COL4A1: variants seen among roughly 807,000 people sequenced by gnomAD.
The protein encoded by COL4A1 is collagen type IV alpha 1 chain.
A neutral mutation model predicts 216.6 loss-of-function variants in COL4A1; 40 were observed. That is an observed-to-expected ratio of 0.18 (90% confidence interval 0.14 to 0.24). The LOEUF is 0.24. Among genes scored for constraint, COL4A1 ranks in the 10% least tolerant of loss-of-function variants. COL4A1 has a pLI of 1.00. For synonymous variants in COL4A1, 839 were observed against 810.7 expected, an observed-to-expected ratio of 1.03 and a Z score of -0.59; for missense variants, 1,628 against 2,196.8, an observed-to-expected ratio of 0.74 and a Z score of 5.18.
chr13:110,159,934 G>GT (rs1876990709), intron 49 of COL4A1, among the ~76,000 whole-genome samples: 1 of 151,046 alleles, frequency 6.6e-6, no homozygotes. Context: ...AGAATGGGGG[G>GT]TCACCAGAGG....
intron 20 of COL4A1, among the ~76,000 whole-genome samples, chr13:110,199,415 C>T (rs1358330694): frequency 2.0e-5 from 3 of 152,280 alleles, no homozygotes; most frequent in Admixed American, 2.0e-4. Context: ...GAGCCTGAGA[C>T]ATCCAGCCTG....
chr13:110,166,210 A>C (rs750947329), intron 45 of COL4A1, 22 bp downstream of exon 45: 2 of 1,468,226 alleles, frequency 1.4e-6, no homozygotes, highest in Non-Finnish European at 1.9e-6. Flanking sequence ...TAAGGTGTCC[A>C]CAGATCAACA....
At chr13:110,178,256 A>C in intron 31 of COL4A1, 25 bp from the exon 32 acceptor site, 1 of 1,613,064 alleles carries the variant, frequency 6.2e-7, no homozygotes, top group Non-Finnish European at 8.5e-7. Context: ...AACACAAATA[A>C]CTTTTAGCAG....
chr13:110,219,703 TATAC>T (rs1408497834), intron 2 of COL4A1, among the ~76,000 whole-genome samples: 1 of 135,342 alleles, frequency 7.4e-6, no homozygotes, highest in Non-Finnish European at 1.6e-5. Flanking sequence ...TATATATGTA[TATAC>T]ATATGTGTAT....
chr13:110,234,068 A>C (rs962816795), intron 2 of COL4A1, among the ~76,000 whole-genome samples: 1 of 152,212 alleles, frequency 6.6e-6, no homozygotes, highest in Non-Finnish European at 1.5e-5. Context: ...CATGACACGC[A>C]TATGTCCCTA....
At chr13:110,239,865 G>C (rs1881479458) in intron 2 of COL4A1, among the ~76,000 whole-genome samples, 1 of 152,144 alleles carries the variant, frequency 6.6e-6, no homozygotes, top group African/African-American at 2.4e-5. Context: ...GTGAAGCTGA[G>C]GCATTTCACA....
intron 3 of COL4A1, 37 bp downstream of exon 3, chr13:110,213,889 T>C: frequency 1.2e-6 from 2 of 1,613,620 alleles, no homozygotes; most frequent in Non-Finnish European, 1.7e-6. Context: ...CGGGCAATCT[T>C]ACATCCACCC....
At chr13:110,159,123 C>T (rs1876941556) in intron 49 of COL4A1, among the ~76,000 whole-genome samples, 1 of 152,132 alleles carries the variant, frequency 6.6e-6, no homozygotes, top group Non-Finnish European at 1.5e-5. Context: ...TTCAGTTTTC[C>T]ATCTTACTTC....
chr13:110,246,128 AT>A (rs1459822100), intron 1 of COL4A1, among the ~76,000 whole-genome samples: 3 of 149,502 alleles, frequency 2.0e-5, no homozygotes, highest in Non-Finnish European at 4.4e-5. Flanking sequence ...CTAGCATTTT[AT>A]GTAAATGGTT....
chr13:110,168,659 G>A (rs912790842), intron 43 of COL4A1, among the ~76,000 whole-genome samples: 1 of 152,220 alleles, frequency 6.6e-6, no homozygotes, highest in African/African-American at 2.4e-5. Flanking sequence ...ATGACTCTAA[G>A]ATATGTCTCT....
rs1274572221 is a variant in COL4A1, at chr13:110,178,984, T to C, written c.2397A>G (p.Pro799=). The part of the protein sequence containing the change: ...LPGSVGSPGV[P]GIGPPGARGP... ...CCCTAGCTCCAGGGGGGCCTATTCC[T>C]GGAACTCCTGGAGACCCCACGGAGC... Residue 799 remains proline (P), a synonymous_variant, in exon 31 of 52, where the codon CCA becomes CCG. Coordinates refer to ENST00000375820, the MANE Select transcript of COL4A1 (RefSeq NM_001845.6). 4.3e-6 allele frequency: 7 copies of C among 1,612,236 alleles called. No homozygotes were observed. In the South Asian group the frequency reaches 7.7e-5, roughly 18 times the overall value.
intron 24 of COL4A1, 61 bp downstream of exon 24, chr13:110,192,151 ACT>A: frequency 1.3e-6 from 2 of 1,541,516 alleles, no homozygotes; most frequent in South Asian, 2.2e-5. Flanking sequence ...AAACGACACA[ACT>A]CTGTCCACGT....
Position 110,208,852 on chromosome 13 carries a change from G to A in COL4A1, c.690C>T (p.Asp230=), listed in dbSNP as rs149688210. 6.9e-4 allele frequency: 1,115 copies of A among 1,614,150 alleles called. 6 individuals are homozygous for A. The highest frequency in any genetic ancestry group is 2.8e-3 in the South Asian group (258 of 91,082). The change falls in exon 12 of 52, where the codon GAC becomes GAT. Residue 230 remains aspartate, a synonymous_variant. Coordinates refer to ENST00000375820, the MANE Select transcript of COL4A1 (RefSeq NM_001845.6). ...CTCCAGAGCAATATGCACTCACCTT[G>A]TCACCTTTTGGTCCTTGAAAACTTA... ...MGLSFQGPKG[D]KGDQGVSGPP...
chr13:110,174,602 A>G, intron 38 of COL4A1, 21 bp downstream of exon 38: 1 of 1,614,170 alleles, frequency 6.2e-7, no homozygotes, highest in Non-Finnish European at 8.5e-7. Context: ...CCCAAGTCCA[A>G]GAGAAGCCCC....
At chr13:110,173,834 G>A in intron 40 of COL4A1, 66 bp downstream of exon 40, 1 of 1,580,076 alleles carries the variant, frequency 6.3e-7, no homozygotes, top group Non-Finnish European at 8.7e-7. Context: ...CTGAACACAG[G>A]CAGTCTGCAG....
intron 41 of COL4A1, among the ~76,000 whole-genome samples, chr13:110,171,903 C>CACCCG (rs1877660249): frequency 6.6e-6 from 1 of 152,196 alleles, no homozygotes; most frequent in South Asian, 2.1e-4. Flanking sequence ...CCAAGGCAGC[C>CACCCG]CACCCGGCAC....
At chr13:110,166,098 C>T in intron 45 of COL4A1, 134 bp downstream of exon 45, 4 of 754,448 alleles carry the variant, frequency 5.3e-6, no homozygotes, top group South Asian at 1.4e-5. Context: ...CAAAGAATTC[C>T]CTATCAATTG....
chr13:110,150,843 T>C (rs566529405), intron 51 of COL4A1, among the ~76,000 whole-genome samples: 3 of 152,366 alleles, frequency 2.0e-5, no homozygotes, highest in East Asian at 3.9e-4. Flanking sequence ...GAAGAAGATA[T>C]TATTCTTCTC....
At position 110,207,564 on chromosome 13, in the gene COL4A1, A is replaced by G; in HGVS notation, c.694-75T>C. ...GACATGAAAAATTGCAGAGAGAGGT[A>G]AAAGCCTAAAATAAAACACCTATTT... On this transcript the variant is annotated intron_variant, in intron 12 of 51. Transcript: ENST00000375820. The surrounding 1 kb of genome is among the most constrained non-coding windows in gnomAD (Gnocchi z 4.4). 2 of 1,187,838 alleles carry G rather than the reference A, an allele frequency of 1.7e-6. No homozygotes were observed. Among genetic ancestry groups the G allele is most frequent in the Non-Finnish European group, 2.5e-6 (2 of 795,404 alleles). The allele number at this position is 1,187,838 out of a possible 1,614,324, so 73.6% of individuals were successfully genotyped here.
Sources: gnomAD v4.1 joint callset for allele counts (sites outside exome capture counted in the v4.1 genomes callset) on GRCh38, gnomAD v4.1.1 for gene constraint, Gnocchi (gnomAD v3.1) non-coding constraint, MANE v1.5 for transcripts, NCBI Gene and HGNC (gene_info 2026-07-23, HGNC 2026-07-21) for gene names.